The following HDAC9 variants were observed in gnomAD, a reference collection of about 807,000 sequenced individuals.
HDAC9 encodes MEF-2 interacting transcription repressor (MITR) protein.
Under a neutral mutation model 139.4 loss-of-function variants are expected in HDAC9, and 41 were observed. That is an observed-to-expected ratio of 0.29 (90% confidence interval 0.23 to 0.38). The LOEUF (loss-of-function observed/expected upper bound fraction) is 0.38. HDAC9 is among the 10% of genes least tolerant of loss of function. HDAC9 has a pLI of 1.00. For synonymous variants in HDAC9, 517 were observed against 476.2 expected (o/e 1.09, Z -1.12); for missense variants, 1,147 against 1,297.0 (o/e 0.88, Z 1.78).
At chr7:18,312,989 G>T (rs2128626991) in intron 1 of HDAC9, among the ~76,000 whole-genome samples, 1 of 152,118 alleles carries the variant, frequency 6.6e-6, no homozygotes, top group South Asian at 2.1e-4. Context: ...TTTCAGATTT[G>T]TCTTCCTATA....
At chr7:18,433,478 C>G (rs570074910) in intron 1 of HDAC9, among the ~76,000 whole-genome samples, 1 of 152,104 alleles carries the variant, frequency 6.6e-6, no homozygotes, top group Admixed American at 6.6e-5. Flanking sequence ...CAATATGATT[C>G]TATAGTCTCT....
intron 1 of HDAC9, among the ~76,000 whole-genome samples, chr7:18,443,472 G>T (rs1791980625): frequency 6.6e-6 from 1 of 152,128 alleles, no homozygotes; most frequent in Non-Finnish European, 1.5e-5. Context: ...TCAACAAGAA[G>T]TAAGCACTAA....
chr7:18,524,515 G>T (rs919942282), intron 2 of HDAC9, among the ~76,000 whole-genome samples: 1 of 152,102 alleles, frequency 6.6e-6, no homozygotes, highest in South Asian at 2.1e-4. Context: ...ATGTACAAAA[G>T]TTGGATTCAG....
chr7:18,969,343 G>T (rs747964551), intron 24 of HDAC9, among the ~76,000 whole-genome samples: 1 of 152,106 alleles, frequency 6.6e-6, no homozygotes, highest in African/African-American at 2.4e-5. Flanking sequence ...TACATTAAAG[G>T]CTACATTTTA....
intron 2 of HDAC9, among the ~76,000 whole-genome samples, chr7:18,549,986 C>T (rs896114793): frequency 6.6e-6 from 1 of 150,474 alleles, no homozygotes; most frequent in Non-Finnish European, 1.5e-5. Context: ...ACTTTTCTTG[C>T]TTAGGAATGC....
intron 22 of HDAC9, among the ~76,000 whole-genome samples, chr7:18,877,330 G>T (rs1028221744): frequency 3.3e-5 from 5 of 152,118 alleles, no homozygotes; most frequent in African/African-American, 1.2e-4. Context: ...TGGTCGAAAA[G>T]TTCTGTACAG....
At chr7:18,537,526 C>CA (rs1563191057) in intron 2 of HDAC9, among the ~76,000 whole-genome samples, 1 of 147,440 alleles carries the variant, frequency 6.8e-6, no homozygotes, top group Non-Finnish European at 1.5e-5. Context: ...AAAGCAGAAA[C>CA]TTTTTTTTTT....
chr7:18,162,196 T>C (rs1399444435), intron 1 of HDAC9: 10 of 767,540 alleles, frequency 1.3e-5, no homozygotes. Flanking sequence ...ATATAGCTTG[T>C]ATCTTAAACA....
At chr7:18,106,278 T>G (rs1038187476) in intron 1 of HDAC9, among the ~76,000 whole-genome samples, 3 of 152,290 alleles carry the variant, frequency 2.0e-5, no homozygotes, top group African/African-American at 7.2e-5. Context: ...GAAAGCTCCT[T>G]AGAACTCAAG....
intron 2 of HDAC9, among the ~76,000 whole-genome samples, chr7:18,551,619 G>T (rs1462839730): frequency 6.6e-6 from 1 of 152,164 alleles, no homozygotes; most frequent in African/African-American, 2.4e-5. Context: ...GTGCAAATGT[G>T]TATGATGTGA....
At chr7:18,386,579 G>C (rs1785950025) in intron 1 of HDAC9, among the ~76,000 whole-genome samples, 1 of 152,128 alleles carries the variant, frequency 6.6e-6, no homozygotes, top group East Asian at 1.9e-4. Flanking sequence ...CCACTTACCA[G>C]TGGAGGGGAA....
At chr7:18,611,661 A>G (rs1366744530) in intron 6 of HDAC9, among the ~76,000 whole-genome samples, 4 of 152,118 alleles carry the variant, frequency 2.6e-5, no homozygotes, top group Non-Finnish European at 5.9e-5. Context: ...AATAAGTGAT[A>G]TCTAATATCA....
intron 22 of HDAC9, among the ~76,000 whole-genome samples, chr7:18,928,974 GT>G (rs559265157): frequency 7.9e-5 from 12 of 151,056 alleles, no homozygotes; most frequent in Non-Finnish European, 5.9e-5. Flanking sequence ...TTTTAATATA[GT>G]TTTTTTTAAT....
chr7:18,463,574 A>G (rs1048927901), intron 1 of HDAC9, among the ~76,000 whole-genome samples: 2 of 151,884 alleles, frequency 1.3e-5, no homozygotes, highest in Non-Finnish European at 2.9e-5. Context: ...GTTTGAATTT[A>G]CTGAACCTCT....
chr7:18,514,360 A>G (rs1313698504), intron 2 of HDAC9, among the ~76,000 whole-genome samples: 1 of 152,240 alleles, frequency 6.6e-6, no homozygotes, highest in Non-Finnish European at 1.5e-5. Context: ...TATCAGAAAT[A>G]TAAAGTTGTA....
At position 18,899,968 on chromosome 7, in the gene HDAC9, G is replaced by C. The variant is rs188372249; in HGVS notation, c.2803+25372G>C. On this transcript the variant is annotated intron_variant, in intron 22 of 25. Coordinates refer to ENST00000686413, the MANE Select transcript of HDAC9 (RefSeq NM_178425.4). ...TGAAAGACTTGATAATACACACACA[G>C]AAAGATGATAGATTTCTCTGTACAT... 2.3e-3 allele frequency among the ~76,000 whole-genome samples: 343 copies of C among 152,144 alleles called. 3 individuals are homozygous for C. The highest frequency in any genetic ancestry group is 7.9e-3 in the African/African-American group (329 of 41,518).
At chr7:18,627,586 A>G (rs1842042488) in intron 6 of HDAC9, among the ~76,000 whole-genome samples, 3 of 152,334 alleles carry the variant, frequency 2.0e-5, no homozygotes, top group Non-Finnish European at 4.4e-5. Context: ...GTTGGGGGTT[A>G]GAAACTGAGA....
rs571055566 is a variant in HDAC9 at position 18,966,459 on chromosome 7, T to G, written c.3023-9347T>G. Among the ~76,000 whole-genome samples, 3 of 152,146 alleles carry G rather than the reference T, an allele frequency of 2.0e-5. No individual in the cohort carries two copies. The South Asian group carries it at 6.2e-4, about 32-fold the overall frequency. On this transcript the variant is annotated intron_variant, in intron 24 of 25. Transcript: ENST00000686413. ...GGCTCACGCCTGTAATCCTAGCACT[T>G]TGTGAGGCCGTGGCAGGCAGATCAT... is the stretch of plus-strand genomic sequence containing the variant.
At chr7:18,346,971 G>T (rs7781749) in intron 1 of HDAC9, among the ~76,000 whole-genome samples, 1 of 152,024 alleles carries the variant, frequency 6.6e-6, no homozygotes, top group African/African-American at 2.4e-5. Context: ...TCATAGGAGA[G>T]GCTGGCGGCA....
Sources: allele counts gnomAD v4.1 joint callset (sites outside exome capture counted in the v4.1 genomes callset), GRCh38; gene constraint gnomAD v4.1.1; transcripts MANE v1.5; gene names NCBI Gene and HGNC (gene_info 2026-07-23, HGNC 2026-07-21).